CCDC178: variants seen among roughly 807,000 people sequenced by gnomAD.
CCDC178 encodes coiled-coil domain containing 178.
CCDC178 carries 126 observed loss-of-function variants against 117.4 expected under a neutral mutation model. That is an observed-to-expected ratio of 1.07 (90% CI 0.93 to 1.24). CCDC178 has a LOEUF of 1.24. Among genes scored for constraint, CCDC178 ranks in the 50% most tolerant of loss-of-function variants. CCDC178 has a pLI of 0.00. For missense variants in CCDC178, 1,030 were observed against 986.9 expected, an observed-to-expected ratio of 1.04 and a Z score of -0.59; for synonymous variants, 283 against 313.4, an observed-to-expected ratio of 0.90 and a Z score of 1.02.
chr18:33,289,972 A>T (rs2060147304), intron 12 of CCDC178, among the ~76,000 whole-genome samples: 1 of 152,180 alleles, frequency 6.6e-6, no homozygotes, highest in African/African-American at 2.4e-5. Flanking sequence ...AAAGCATAAT[A>T]AAAAAGCTCA....
intron 21 of CCDC178, among the ~76,000 whole-genome samples, chr18:33,049,853 G>A (rs9946467): frequency 6.6e-6 from 1 of 151,542 alleles, no homozygotes; most frequent in Non-Finnish European, 1.5e-5. Context: ...GAGGCCGAGG[G>A]GGGTGGATAC....
At chr18:33,309,576 T>G (rs2062307197) in intron 11 of CCDC178, among the ~76,000 whole-genome samples, 3 of 152,182 alleles carry the variant, frequency 2.0e-5, no homozygotes, top group Non-Finnish European at 4.4e-5. Flanking sequence ...AACATGTTTC[T>G]AAAAATTACG....
intron 9 of CCDC178, among the ~76,000 whole-genome samples, chr18:33,338,644 G>C (rs1037758810): frequency 1.3e-5 from 2 of 152,058 alleles, no homozygotes; most frequent in Non-Finnish European, 2.9e-5. Context: ...AGTAACCCAG[G>C]AATAGAAAAC....
At chr18:33,222,558 T>C (rs151215638) in intron 18 of CCDC178, among the ~76,000 whole-genome samples, 2 of 152,182 alleles carry the variant, frequency 1.3e-5, no homozygotes, top group African/African-American at 2.4e-5. Context: ...AGCAAGATTC[T>C]TGGGGCCTCT....
At chr18:33,115,296 T>C (rs2057840408) in intron 20 of CCDC178, among the ~76,000 whole-genome samples, 1 of 152,098 alleles carries the variant, frequency 6.6e-6, no homozygotes, top group Non-Finnish European at 1.5e-5. Flanking sequence ...AATGGTATCA[T>C]GTTTCAACAT....
intron 2 of CCDC178, among the ~76,000 whole-genome samples, chr18:33,415,028 G>C (rs1162428837): frequency 6.6e-6 from 1 of 152,148 alleles, no homozygotes; most frequent in Non-Finnish European, 1.5e-5. Flanking sequence ...TTAGAATGGC[G>C]ATCATTAAAA....
At chr18:33,242,307 G>C (rs868731597) in intron 15 of CCDC178, among the ~76,000 whole-genome samples, 69 of 151,776 alleles carry the variant, frequency 4.5e-4, no homozygotes, top group African/African-American at 1.6e-3. Flanking sequence ...ACTACTAAGA[G>C]AAAACATAGG....
intron 2 of CCDC178, among the ~76,000 whole-genome samples, chr18:33,416,181 A>G (rs906911300): frequency 3.3e-5 from 5 of 152,210 alleles, no homozygotes; most frequent in African/African-American, 9.6e-5. Flanking sequence ...TAATCCCAGC[A>G]CTTTGGGAGG....
intron 21 of CCDC178, among the ~76,000 whole-genome samples, chr18:33,080,204 A>T (rs540940417): frequency 6.6e-6 from 1 of 152,162 alleles, no homozygotes; most frequent in African/African-American, 2.4e-5. Flanking sequence ...GCTCTCACTT[A>T]TAAGTAGGAG....
chr18:32,948,969 T>C (rs1009479418), intron 22 of CCDC178, among the ~76,000 whole-genome samples: 34 of 152,196 alleles, frequency 2.2e-4, no homozygotes, highest in African/African-American at 7.7e-4. Context: ...CTTTTGTATG[T>C]CTGTAAAAGT....
chr18:33,134,021 T>A (rs1473504825), intron 20 of CCDC178, among the ~76,000 whole-genome samples: 1 of 152,006 alleles, frequency 6.6e-6, no homozygotes, highest in East Asian at 1.9e-4. Context: ...ATGTTAGACT[T>A]AAGCTAATCA....
At chr18:32,983,274 C>T in intron 21 of CCDC178, 1 of 1,500,366 alleles carries the variant, frequency 6.7e-7, no homozygotes, top group Non-Finnish European at 9.0e-7. Context: ...TAATTCATCA[C>T]AGGTACCTGA....
chr18:33,432,023 G>C (rs2064226291), intron 2 of CCDC178, among the ~76,000 whole-genome samples: 1 of 152,158 alleles, frequency 6.6e-6, no homozygotes, highest in Admixed American at 6.5e-5. Context: ...TGACTGCTGG[G>C]TGCACTGCAG....
intron 21 of CCDC178, among the ~76,000 whole-genome samples, chr18:33,018,470 CA>C (rs2056043340): frequency 6.6e-6 from 1 of 151,970 alleles, no homozygotes. Context: ...ACAATACCCT[CA>C]AAGTAGAAAC....
chr18:33,233,703 C>T (rs796601798), intron 15 of CCDC178, among the ~76,000 whole-genome samples: 21 of 152,024 alleles, frequency 1.4e-4, no homozygotes, highest in African/African-American at 4.3e-4. Flanking sequence ...ATGTTTTATA[C>T]ACAATATTAT....
At chr18:33,244,548 C>T (rs568939414) in intron 15 of CCDC178, among the ~76,000 whole-genome samples, 1 of 152,022 alleles carries the variant, frequency 6.6e-6, no homozygotes, top group Non-Finnish European at 1.5e-5. Flanking sequence ...TCCCCATTTG[C>T]TTGGCTCTCT....
chr18:33,428,646 C>A (rs1188986239), intron 2 of CCDC178, among the ~76,000 whole-genome samples: 2 of 148,056 alleles, frequency 1.4e-5, no homozygotes, highest in Non-Finnish European at 3.0e-5. Context: ...GCAGGAGAAT[C>A]GCTTGAACCC....
chr18:33,251,629 A>C (rs559949439), intron 14 of CCDC178, among the ~76,000 whole-genome samples: 2 of 151,752 alleles, frequency 1.3e-5, no homozygotes, highest in South Asian at 2.1e-4. Context: ...AAGTTTGTAG[A>C]AACAAGATAT....
intron 21 of CCDC178, among the ~76,000 whole-genome samples, chr18:33,043,568 A>G (rs1239977090): frequency 6.6e-6 from 1 of 152,086 alleles, no homozygotes; most frequent in African/African-American, 2.4e-5. Flanking sequence ...ATTAAACATA[A>G]CATAATTGTC....
Sources: gnomAD v4.1 joint callset for allele counts (sites outside exome capture counted in the v4.1 genomes callset) on GRCh38, gnomAD v4.1.1 for gene constraint, MANE v1.5 for transcripts, NCBI Gene and HGNC (gene_info 2026-07-23, HGNC 2026-07-21) for gene names.